Variants in KIF18A observed in about 807,000 individuals in gnomAD.
The protein encoded by KIF18A is kinesin-like protein KIF18A.
In KIF18A, 67 loss-of-function variants were observed where a neutral mutation model predicts 103.3. That is an observed-to-expected ratio of 0.65 (90% CI 0.53 to 0.79). The LOEUF (loss-of-function observed/expected upper bound fraction) is 0.79. Among genes scored for constraint, KIF18A ranks in the 30% least tolerant of loss-of-function variants. The pLI is 0.00. For missense variants in KIF18A, 1,032 were observed against 1,062.5 expected, an observed-to-expected ratio of 0.97 and a Z score of 0.40; for synonymous variants, 367 against 355.5, an observed-to-expected ratio of 1.03 and a Z score of -0.36.
chr11:28,025,517 T>C (rs1850306060), intron 15 of KIF18A, among the ~76,000 whole-genome samples: 2 of 152,042 alleles, frequency 1.3e-5, no homozygotes, highest in Admixed American at 1.3e-4. Context: ...TTTTTACTCA[T>C]AGCATGTTCT....
chr11:28,104,727 A>G (rs1172533067), intron 1 of KIF18A, among the ~76,000 whole-genome samples: 1 of 152,210 alleles, frequency 6.6e-6, no homozygotes, highest in Non-Finnish European at 1.5e-5. Flanking sequence ...TCTGCACACC[A>G]GCACCTAGGA....
intron 6 of KIF18A, among the ~76,000 whole-genome samples, chr11:28,085,096 C>A (rs1851210350): frequency 6.6e-6 from 1 of 152,054 alleles, no homozygotes; most frequent in Non-Finnish European, 1.5e-5. Flanking sequence ...CTAGGAATAA[C>A]CGGCGGGTAT....
intron 13 of KIF18A, among the ~76,000 whole-genome samples, chr11:28,050,553 G>C (rs1850698627): frequency 6.6e-6 from 1 of 151,758 alleles, no homozygotes; most frequent in East Asian, 1.9e-4. Context: ...TTAAGAGACT[G>C]GTTCTCCTAG....
chr11:28,094,676 C>A lies in KIF18A; in HGVS notation c.450G>T (p.Glu150Asp), dbSNP rs1851346009. The change falls in exon 3 of 17, where the codon GAG (glutamate) becomes GAT (aspartate). Residue 150 changes from glutamate to aspartate, a missense_variant. Physicochemically the swap from Glu to Asp is conservative, Grantham distance 45. Transcript: ENST00000263181. ...ATGAAACTGCAGTACTACATATTTT[C>A]TCTTCTTTAATCTCATCCATGCATT... ...LYKCMDEIKE[E>D]KICSTAVSYL... The A allele has an allele frequency of 6.2e-7, 1 of 1,612,380 alleles. No individual in the cohort carries two copies. The highest frequency in any genetic ancestry group is 8.5e-7 in the Non-Finnish European group (1 of 1,178,634).
chr11:28,062,427 A>G lies in KIF18A; in HGVS notation c.1680T>C (p.Cys560=), dbSNP rs1211935747. The G allele has an allele frequency of 1.2e-6, 2 of 1,611,448 alleles. No homozygotes were observed. The highest frequency in any genetic ancestry group is 1.3e-5 in the African/African-American group (1 of 74,774). ...TCTGCCTGTGTTGCTGTTCCTGAAGACAAGCTAGATCCATCATATGTCTAA... is the reference window on the plus strand; with the variant it reads ...TCTGCCTGTGTTGCTGTTCCTGAAGGCAAGCTAGATCCATCATATGTCTAA... The part of the protein sequence containing the change: ...AQIRHMMDLA[C]LQEQQHRQTE... Residue 560 remains cysteine (C), a synonymous_variant, in exon 12 of 17, where the codon TGT becomes TGC. Coordinates refer to ENST00000263181, the MANE Select transcript of KIF18A (RefSeq NM_031217.4).
rs1050503905 is a variant in KIF18A at position 28,055,624 on chromosome 11, C to T, written c.1948+3302G>A. On this transcript the variant is annotated intron_variant, in intron 13 of 16. Transcript: ENST00000263181. ...AAATAGGCAGGACCTCAGGAAACTACAGTTTAGTATCAAATTACCTCAGTC... is the reference window on the plus strand; with the variant it reads ...AAATAGGCAGGACCTCAGGAAACTATAGTTTAGTATCAAATTACCTCAGTC... Among the ~76,000 whole-genome samples the T allele has an allele frequency of 4.6e-5, 7 of 152,092 alleles. 1 individual carries two copies. The highest frequency in any genetic ancestry group is 1.4e-4 in the African/African-American group (6 of 41,400).
Position 28,036,439 on chromosome 11 carries a change from G to A in KIF18A, c.2174C>T (p.Pro725Leu). ...QNPSTVTLMK[P>L]SSFTTSFQAI... ...CTGAAAACTTGTAGTAAATGATGAT[G>A]GTTTCATTAAGGTTACTGTAGACGG... Residue 725 changes from proline (P) to leucine (L), a missense_variant, in exon 14 of 17, where the codon CCA becomes CTA. Pro to Leu is a moderately conservative substitution (Grantham distance 98). Transcript: ENST00000263181. 1 of 1,610,438 alleles carries A rather than the reference G, an allele frequency of 6.2e-7. No homozygotes were observed. Among genetic ancestry groups the A allele is most frequent in the Middle Eastern group, 1.7e-4 (1 of 6,032 alleles).
intron 2 of KIF18A, among the ~76,000 whole-genome samples, chr11:28,095,071 T>C (rs1034808201): frequency 1.3e-5 from 2 of 152,210 alleles, no homozygotes; most frequent in African/African-American, 2.4e-5. Context: ...TCCCTACAGA[T>C]TAGTCTTCAT....
At chr11:28,046,662 A>G (rs912127194) in intron 13 of KIF18A, among the ~76,000 whole-genome samples, 4 of 147,466 alleles carry the variant, frequency 2.7e-5, no homozygotes, top group Admixed American at 1.4e-4. Context: ...TAACCTGCAC[A>G]ATGTGCACAT....
At chr11:28,083,380 C>A in intron 7 of KIF18A, 137 bp from the exon 8 acceptor site, 1 of 946,314 alleles carries the variant, frequency 1.1e-6, no homozygotes. Context: ...CATTTAAAAT[C>A]TATGACAAGA....
At chr11:28,052,286 C>A (rs1565076588) in intron 13 of KIF18A, among the ~76,000 whole-genome samples, 1 of 152,052 alleles carries the variant, frequency 6.6e-6, no homozygotes, top group Non-Finnish European at 1.5e-5. Context: ...CATGTCATGG[C>A]TCCTTGTTTT....
chr11:28,079,543 T>G (rs988863432), intron 9 of KIF18A, among the ~76,000 whole-genome samples: 4 of 152,128 alleles, frequency 2.6e-5, no homozygotes, highest in African/African-American at 9.6e-5. Context: ...TTATAGATAC[T>G]GAGACACTTT....
At position 28,036,762 on chromosome 11, in the gene KIF18A, T is replaced by C. The variant is rs898517620; in HGVS notation, c.1949-98A>G. ...ACTAAGAAACCCTAATAATAAGGTA[T>C]TTTTATGCCAATTGATAAAAATCTG... On this transcript the variant is annotated intron_variant, in intron 13 of 16. Coordinates refer to ENST00000263181, the MANE Select transcript of KIF18A (RefSeq NM_031217.4). The C allele has an allele frequency of 8.9e-5, 58 of 648,908 alleles. No individual in the cohort carries two copies. The African/African-American group carries it at 9.8e-4, about 11-fold the overall frequency. 40.2% of individuals were successfully genotyped at this position (648,908 alleles called of 1,614,324 possible). A position where few individuals can be genotyped will look rare whatever the true frequency, so the allele number is the denominator to read the frequency against.
chr11:28,050,622 G>C lies in KIF18A; in HGVS notation c.1948+8304C>G, dbSNP rs368279857. Among the ~76,000 whole-genome samples, 6 of 151,786 alleles carry C rather than the reference G, an allele frequency of 4.0e-5. No homozygotes were observed. The South Asian group carries it at 6.2e-4, about 16-fold the overall frequency. On this transcript the variant is annotated intron_variant, in intron 13 of 16. Coordinates refer to ENST00000263181, the MANE Select transcript of KIF18A (RefSeq NM_031217.4). Reference sequence around the variant, plus strand: ...ACATTGGGTGCAAAATTTTAAAAAAGGAAAGGTTACAGACAGAAGTATTAC... The same window carrying C: ...ACATTGGGTGCAAAATTTTAAAAAACGAAAGGTTACAGACAGAAGTATTAC...
chr11:28,029,046 C>G (rs940172687), intron 15 of KIF18A, among the ~76,000 whole-genome samples: 2 of 151,996 alleles, frequency 1.3e-5, no homozygotes, highest in East Asian at 3.9e-4. Context: ...AATAGCATAC[C>G]AACCGAAAAA....
At chr11:28,070,456 C>G (rs1850998457) in intron 10 of KIF18A, among the ~76,000 whole-genome samples, 1 of 152,094 alleles carries the variant, frequency 6.6e-6, no homozygotes, top group Non-Finnish European at 1.5e-5. Context: ...CTTACCTTCC[C>G]CTCAAGGGAA....
Position 28,028,948 on chromosome 11 carries a change from G to T in KIF18A, c.2505-5098C>A, listed in dbSNP as rs370410901. On this transcript the variant is annotated intron_variant, in intron 15 of 16. Transcript: ENST00000263181. The stretch of plus-strand genomic sequence containing the variant: ...ATCTAGAAGAAATGGATAAATTCCT[G>T]GACACATACACCCTCCCAAGACTAA... 1.3e-4 allele frequency among the ~76,000 whole-genome samples: 20 copies of T among 152,078 alleles called. No individual in the cohort carries two copies. In the South Asian group the frequency reaches 3.5e-3, roughly 27 times the overall value.
At chr11:28,055,390 G>A (rs965137766) in intron 13 of KIF18A, among the ~76,000 whole-genome samples, 3 of 152,168 alleles carry the variant, frequency 2.0e-5, no homozygotes, top group African/African-American at 7.2e-5. Context: ...TCAGGAGGAA[G>A]CTGGAGGCTC....
intron 6 of KIF18A, among the ~76,000 whole-genome samples, chr11:28,085,444 T>C (rs1393996608): frequency 6.6e-6 from 1 of 152,124 alleles, no homozygotes; most frequent in African/African-American, 2.4e-5. Flanking sequence ...TGGTTCCTCT[T>C]TGAAGTTCAC....
Sources: gnomAD v4.1 joint callset for allele counts (sites outside exome capture counted in the v4.1 genomes callset) on GRCh38, gnomAD v4.1.1 for gene constraint, MANE v1.5 for transcripts, NCBI Gene and HGNC (gene_info 2026-07-23, HGNC 2026-07-21) for gene names.